The following SEMA3A variants were observed in gnomAD, a reference collection of about 807,000 sequenced individuals.
SEMA3A encodes the protein semaphorin 3A.
Under a neutral mutation model 97.9 loss-of-function variants are expected in SEMA3A, and 29 were observed. The ratio of observed to expected loss-of-function variants is 0.30; its 90% CI spans 0.22 to 0.40. SEMA3A has a LOEUF of 0.40. SEMA3A is among the 10% of genes least tolerant of loss of function. SEMA3A has a pLI of 1.00. For synonymous variants in SEMA3A, 321 were observed against 323.7 expected (o/e 0.99, Z 0.09); for missense variants, 763 against 951.3 (o/e 0.80, Z 2.60).
chr7:84,404,712 A>T (rs1422529493), intron 1 of SEMA3A, among the ~76,000 whole-genome samples: 1 of 152,244 alleles, frequency 6.6e-6, no homozygotes, highest in Admixed American at 6.5e-5. Context: ...GAAACTCTAC[A>T]AGCCAGAAGA....
chr7:84,382,358 C>T (rs189118637), intron 1 of SEMA3A, among the ~76,000 whole-genome samples: 3 of 151,568 alleles, frequency 2.0e-5, no homozygotes, highest in East Asian at 4.0e-4. Flanking sequence ...CCACCTACCT[C>T]GGCCTCCCAA....
At chr7:84,488,300 CTA>C (rs1282540400) in intron 1 of SEMA3A, among the ~76,000 whole-genome samples, 3 of 141,152 alleles carry the variant, frequency 2.1e-5, no homozygotes, top group African/African-American at 5.6e-5. Flanking sequence ...TGTTTTCCAG[CTA>C]TGTTTCTTCG....
At chr7:83,979,487 A>C (rs1789306998) in intron 14 of SEMA3A, among the ~76,000 whole-genome samples, 1 of 152,182 alleles carries the variant, frequency 6.6e-6, no homozygotes, top group Non-Finnish European at 1.5e-5. Context: ...GTTTTTGAGA[A>C]GCATTAACTT....
At position 84,429,688 on chromosome 7, in the gene SEMA3A, G is replaced by A. The variant is rs541326209; in HGVS notation, c.-245-57788C>T. 4.6e-5 allele frequency among the ~76,000 whole-genome samples: 7 copies of A among 150,694 alleles called. No homozygotes were observed. In the South Asian group the frequency reaches 1.1e-3, roughly 23 times the overall value. The stretch of plus-strand genomic sequence containing the variant: ...AAGATAGAACCTCAGCATTTTAGGT[G>A]GGGGTAGGAGAGGATAGAGGGCAGA... On this transcript the variant is annotated intron_variant, in intron 1 of 3. Transcript: ENST00000424555.
intron 2 of SEMA3A, chr7:84,371,789 T>C (rs922897867): frequency 1.3e-5 from 2 of 152,006 alleles, no homozygotes; most frequent in Non-Finnish European, 2.9e-5. Context: ...AAGAGTCATA[T>C]GCCTTTTAAA....
chr7:84,468,817 CT>C (rs368468249), intron 1 of SEMA3A, among the ~76,000 whole-genome samples: 23 of 146,558 alleles, frequency 1.6e-4, no homozygotes, highest in East Asian at 6.0e-4. Flanking sequence ...TTTTTATTTT[CT>C]TTTTTTTTTA....
At chr7:84,005,653 A>AAAT (rs1470275298) in intron 10 of SEMA3A, 95 bp from the exon 11 acceptor site, 4 of 861,036 alleles carry the variant, frequency 4.6e-6, no homozygotes, top group Non-Finnish European at 7.1e-6. Context: ...GTTCTACTTA[A>AAAT]AATAGTAGTG....
rs531307775 is a variant in SEMA3A, at chr7:84,085,778, T to C, written c.453+24692A>G. 1.4e-4 allele frequency among the ~76,000 whole-genome samples: 22 copies of C among 152,276 alleles called. No individual in the cohort carries two copies. In the South Asian group the frequency reaches 4.6e-3, roughly 32 times the overall value. On this transcript the variant is annotated intron_variant, in intron 4 of 16. Transcript: ENST00000265362. ...CTCCTCTAAACTTTTCTATCTTCCT[T>C]TTCCTTTTAAAAATAAATGAAGCAA...
chr7:84,020,632 A>T (rs982472948), intron 6 of SEMA3A, among the ~76,000 whole-genome samples: 1 of 151,992 alleles, frequency 6.6e-6, no homozygotes, highest in Admixed American at 6.6e-5. Context: ...ATTTTGGTAA[A>T]TCTCATCAAA....
chr7:84,063,534 G>T lies in SEMA3A; in HGVS notation c.454-2976C>A, dbSNP rs560105139. On this transcript the variant is annotated intron_variant, in intron 4 of 16. Coordinates refer to ENST00000265362, the MANE Select transcript of SEMA3A (RefSeq NM_006080.3). ...TGAAAACTTTGAAAAAAATTTAGAA[G>T]AATGTATAACTAGAATAACCAATAC... 5.5e-3 allele frequency among the ~76,000 whole-genome samples: 821 copies of T among 149,992 alleles called. 4 individuals carry two copies. The highest frequency in any genetic ancestry group is 0.024 in the Middle Eastern group (7 of 288).
chr7:84,369,450 GAA>G (rs1049668740), intron 2 of SEMA3A, among the ~76,000 whole-genome samples: 1 of 151,062 alleles, frequency 6.6e-6, no homozygotes, highest in Non-Finnish European at 1.5e-5. Flanking sequence ...TTCATAAATA[GAA>G]ACTGAAATGT....
At chr7:84,141,987 T>C (rs1796308309) in intron 1 of SEMA3A, among the ~76,000 whole-genome samples, 2 of 152,170 alleles carry the variant, frequency 1.3e-5, no homozygotes, top group Admixed American at 1.3e-4. Context: ...CCAGCTCCCA[T>C]ACTTCTAGAC....
At chr7:84,356,278 G>A (rs981473723) in intron 2 of SEMA3A, among the ~76,000 whole-genome samples, 7 of 151,518 alleles carry the variant, frequency 4.6e-5, no homozygotes, top group Admixed American at 1.3e-4. Flanking sequence ...TTATTAAAAG[G>A]TAATTTAGTG....
chr7:84,084,697 T>C (rs1218613199), intron 4 of SEMA3A, among the ~76,000 whole-genome samples: 5 of 152,110 alleles, frequency 3.3e-5, no homozygotes, highest in African/African-American at 1.2e-4. Flanking sequence ...TATTAAATGT[T>C]AGCAAAATAA....
chr7:84,382,000 C>T (rs71558728), intron 1 of SEMA3A, among the ~76,000 whole-genome samples: 42,357 of 152,036 alleles, frequency 0.28, 8,085 homozygotes, highest in East Asian at 0.79. Context: ...GAGGTTTGTG[C>T]AGCAGTTGAG....
At chr7:84,112,058 A>C (rs144339960) in intron 3 of SEMA3A, among the ~76,000 whole-genome samples, 9 of 152,286 alleles carry the variant, frequency 5.9e-5, no homozygotes, top group Admixed American at 2.6e-4. Flanking sequence ...GAAACATCTG[A>C]TAAACTCATT....
intron 3 of SEMA3A, among the ~76,000 whole-genome samples, chr7:84,279,963 C>T (rs956906951): frequency 2.0e-5 from 3 of 152,096 alleles, no homozygotes. Flanking sequence ...AGTGGTGTGA[C>T]CACATCTCAC....
At chr7:84,133,171 T>C (rs1017339400) in intron 2 of SEMA3A, among the ~76,000 whole-genome samples, 1 of 152,164 alleles carries the variant, frequency 6.6e-6, no homozygotes, top group African/African-American at 2.4e-5. Flanking sequence ...ATCAATTGAA[T>C]TGAAAAATCA....
intron 3 of SEMA3A, among the ~76,000 whole-genome samples, chr7:84,227,642 T>G (rs1430591280): frequency 1.3e-5 from 2 of 152,098 alleles, no homozygotes; most frequent in African/African-American, 2.4e-5. Context: ...GCATTCTACT[T>G]CAAGGTATTA....
Sources: allele counts gnomAD v4.1 joint callset (sites outside exome capture counted in the v4.1 genomes callset), GRCh38; gene constraint gnomAD v4.1.1; transcripts MANE v1.5; gene names NCBI Gene and HGNC (gene_info 2026-07-23, HGNC 2026-07-21).